CCSER1: variants seen among roughly 807,000 people sequenced by gnomAD.
CCSER1 encodes the protein coiled-coil serine rich protein 1.
In CCSER1, 41 loss-of-function variants were observed where a neutral mutation model predicts 82.0. The observed-to-expected ratio is 0.50, with a 90% CI of 0.39 to 0.65. The LOEUF is 0.65. Ranked by LOEUF, CCSER1 falls within the 30% of genes least tolerant of loss-of-function variation. CCSER1 has a pLI of 0.00. For synonymous variants in CCSER1, 414 were observed against 383.9 expected, an observed-to-expected ratio of 1.08 and a Z score of -0.92; for missense variants, 1,119 against 1,064.2, an observed-to-expected ratio of 1.05 and a Z score of -0.72.
chr4:91,575,478 T>C (rs1394408498), intron 10 of CCSER1, among the ~76,000 whole-genome samples: 1 of 151,180 alleles, frequency 6.6e-6, no homozygotes, highest in Non-Finnish European at 1.5e-5. Context: ...AATAAGGGAG[T>C]TCATACCCAA....
intron 9 of CCSER1, among the ~76,000 whole-genome samples, chr4:90,932,555 G>A (rs1028961295): frequency 3.3e-5 from 5 of 151,928 alleles, no homozygotes; most frequent in East Asian, 1.9e-4. Flanking sequence ...AGAGCCCAGC[G>A]CGGTGCCTCA....
chr4:91,019,090 C>G (rs1168394166), intron 9 of CCSER1, among the ~76,000 whole-genome samples: 2 of 151,644 alleles, frequency 1.3e-5, no homozygotes, highest in African/African-American at 4.8e-5. Context: ...GCTGTGAATT[C>G]AAATATAATA....
chr4:90,532,824 T>C (rs115906759), intron 5 of CCSER1, among the ~76,000 whole-genome samples: 2 of 152,288 alleles, frequency 1.3e-5, no homozygotes, highest in East Asian at 1.9e-4. Context: ...TAGATCGACT[T>C]GTACTTTGAG....
chr4:90,198,380 T>C (rs1187478817), intron 1 of CCSER1, among the ~76,000 whole-genome samples: 1 of 152,168 alleles, frequency 6.6e-6, no homozygotes, highest in African/African-American at 2.4e-5. Context: ...TTAGAAACTA[T>C]TTGCCAGGAA....
chr4:91,551,652 AACAAAC>A (rs1553954365), intron 10 of CCSER1, among the ~76,000 whole-genome samples: 30 of 102,458 alleles, frequency 2.9e-4, no homozygotes, highest in African/African-American at 9.0e-4. Flanking sequence ...GCAGGCAAAA[AACAAAC>A]ACACACACAC....
chr4:91,165,681 C>G (rs1020237662), intron 10 of CCSER1, among the ~76,000 whole-genome samples: 1 of 152,228 alleles, frequency 6.6e-6, no homozygotes, highest in Non-Finnish European at 1.5e-5. Flanking sequence ...GCAAGTCAAT[C>G]TCAGACTGCT....
At chr4:91,552,296 T>C (rs1762195081) in intron 10 of CCSER1, among the ~76,000 whole-genome samples, 1 of 151,738 alleles carries the variant, frequency 6.6e-6, no homozygotes, top group African/African-American at 2.4e-5. Flanking sequence ...TATTAATCAA[T>C]CTATTATTTA....
chr4:90,160,499 AAAG>A (rs1163072334), intron 1 of CCSER1, among the ~76,000 whole-genome samples: 2 of 152,198 alleles, frequency 1.3e-5, no homozygotes, highest in African/African-American at 2.4e-5. Flanking sequence ...TTTTCAAAAC[AAAG>A]AAGATGGCTA....
At chr4:90,817,366 A>G (rs1275560100) in intron 8 of CCSER1, among the ~76,000 whole-genome samples, 1 of 152,114 alleles carries the variant, frequency 6.6e-6, no homozygotes, top group Non-Finnish European at 1.5e-5. Flanking sequence ...GTTTTAAAAC[A>G]TTCATATACA....
intron 5 of CCSER1, among the ~76,000 whole-genome samples, chr4:90,488,203 A>G (rs1047059418): frequency 2.6e-5 from 4 of 151,756 alleles, no homozygotes; most frequent in Non-Finnish European, 5.9e-5. Flanking sequence ...TTATTTTGAG[A>G]CGGAGTCTCG....
chr4:91,143,556 CA>C (rs1322681788), intron 10 of CCSER1, among the ~76,000 whole-genome samples: 8 of 152,014 alleles, frequency 5.3e-5, no homozygotes, highest in Non-Finnish European at 1.2e-4. Context: ...TGTCTTATCC[CA>C]GGGGGAATGC....
intron 8 of CCSER1, among the ~76,000 whole-genome samples, chr4:90,875,943 TA>T (rs1467678729): frequency 3.9e-5 from 6 of 152,196 alleles, no homozygotes; most frequent in African/African-American, 1.4e-4. Context: ...AAGCAGCCTA[TA>T]AATTCTTAAT....
chr4:91,529,986 G>A (rs1228871109), intron 10 of CCSER1, among the ~76,000 whole-genome samples: 5 of 152,056 alleles, frequency 3.3e-5, no homozygotes. Context: ...ATATCCATAT[G>A]TGCTGAACAC....
At chr4:90,415,015 G>A (rs1461748934) in intron 4 of CCSER1, among the ~76,000 whole-genome samples, 1 of 152,024 alleles carries the variant, frequency 6.6e-6, no homozygotes, top group Non-Finnish European at 1.5e-5. Flanking sequence ...ATAAGATGAG[G>A]CTATGGATAA....
At chr4:91,147,603 C>T (rs72872924) in intron 10 of CCSER1, among the ~76,000 whole-genome samples, 29,628 of 152,126 alleles carry the variant, frequency 0.19, 3,171 homozygotes, top group Non-Finnish European at 0.23. Context: ...TGAATTCCCT[C>T]GGGGTTGGAG....
At chr4:90,870,127 A>G (rs1766262927) in intron 8 of CCSER1, among the ~76,000 whole-genome samples, 1 of 151,832 alleles carries the variant, frequency 6.6e-6, no homozygotes, top group African/African-American at 2.4e-5. Context: ...ATAAGATCAT[A>G]TTATCTGCAA....
At chr4:90,406,647 A>G (rs139993441) in intron 4 of CCSER1, among the ~76,000 whole-genome samples, 1,546 of 152,340 alleles carry the variant, frequency 0.01, 17 homozygotes, top group South Asian at 0.03. Context: ...TCGAAATTAT[A>G]TCAAATATTC....
intron 10 of CCSER1, among the ~76,000 whole-genome samples, chr4:91,458,787 T>C (rs1438818589): frequency 6.6e-6 from 1 of 152,192 alleles, no homozygotes; most frequent in East Asian, 1.9e-4. Flanking sequence ...TGTTTTTTAT[T>C]TTTCCAGTTG....
At chr4:90,165,284 A>G (rs1380376775) in intron 1 of CCSER1, among the ~76,000 whole-genome samples, 2 of 152,108 alleles carry the variant, frequency 1.3e-5, no homozygotes, top group Non-Finnish European at 2.9e-5. Context: ...ACTGTTCTAA[A>G]TCCTCTAAAG....
Sources: allele counts gnomAD v4.1 joint callset (sites outside exome capture counted in the v4.1 genomes callset), GRCh38; gene constraint gnomAD v4.1.1; transcripts MANE v1.5; gene names NCBI Gene and HGNC (gene_info 2026-07-23, HGNC 2026-07-21).